TSC22D3: variants seen among roughly 807,000 people sequenced by gnomAD.
TSC22D3 encodes the protein TSC22 domain family member 3, also known as TSC22 domain family protein 3.
In TSC22D3, 4 loss-of-function variants were observed where a neutral mutation model predicts 11.1. The observed-to-expected ratio is 0.36, with a 90% CI of 0.18 to 0.83. The LOEUF is 0.83. TSC22D3 is among the 40% of genes least tolerant of loss of function. The pLI, the probability that TSC22D3 is intolerant of heterozygous loss-of-function variation, is 0.48. For synonymous variants in TSC22D3, 77 were observed against 70.3 expected (o/e 1.10, Z -0.48); for missense variants, 118 against 159.4 (o/e 0.74, Z 1.40).
intron 1 of TSC22D3, among the ~76,000 whole-genome samples, chrX:107,740,590 A>G (rs113567051): frequency 0.013 from 1,444 of 110,909 alleles, 31 homozygotes; most frequent in African/African-American, 0.045. Context: ...AAAAAAAAAA[A>G]AGAGAGAGAG....
In TSC22D3 at chrX:107,739,367, C is replaced by T. The variant is rs773730276; in HGVS notation, c.321-23417G>A. Among the ~76,000 whole-genome samples the T allele has an allele frequency of 1.1e-4, 12 of 112,830 alleles. No homozygotes were observed. The East Asian group carries it at 1.7e-3, about 16-fold the overall frequency. ...GCACTTCAATGCTGCAGGCTCCACA[C>T]GCACACACGCACACACAGGCGCGTG... On this transcript the variant is annotated intron_variant, in intron 1 of 2. Transcript: ENST00000372383.
intron 1 of TSC22D3, among the ~76,000 whole-genome samples, chrX:107,727,080 C>T (rs1927670761): frequency 9.0e-6 from 1 of 111,592 alleles, no homozygotes; most frequent in African/African-American, 3.3e-5. Context: ...ACCGGGGACT[C>T]AGCACGATTG....
intron 2 of TSC22D3, chrX:107,715,658 C>A (rs183924464): frequency 1.1e-5 from 5 of 441,361 alleles, no homozygotes; most frequent in Non-Finnish European, 2.0e-5. Flanking sequence ...TCAGAGCCTG[C>A]GGCAAAGACC....
At chrX:107,759,196 G>T (rs1351936576) in intron 1 of TSC22D3, among the ~76,000 whole-genome samples, 1 of 111,235 alleles carries the variant, frequency 9.0e-6, no homozygotes, top group Admixed American at 9.5e-5. Flanking sequence ...CGACCTCAAT[G>T]TTCTGTTCAG....
At chrX:107,732,272 G>A (rs975211440) in intron 1 of TSC22D3, among the ~76,000 whole-genome samples, 1 of 108,538 alleles carries the variant, frequency 9.2e-6, no homozygotes, top group African/African-American at 3.4e-5. Flanking sequence ...CAAGGACTCA[G>A]CACTGGGGCC....
intron 1 of TSC22D3, among the ~76,000 whole-genome samples, chrX:107,769,884 G>A (rs1280909187): frequency 4.5e-5 from 5 of 111,927 alleles, no homozygotes; most frequent in Non-Finnish European, 9.4e-5. Flanking sequence ...TTCTCATGAA[G>A]TATCCAAACC....
intron 1 of TSC22D3, among the ~76,000 whole-genome samples, chrX:107,728,227 A>G (rs950121592): frequency 1.8e-5 from 2 of 112,415 alleles, no homozygotes; most frequent in Admixed American, 1.9e-4. Flanking sequence ...CTATAGGCAC[A>G]TTCATGAATT....
At chrX:107,757,466 T>G (rs752180777) in intron 1 of TSC22D3, among the ~76,000 whole-genome samples, 29 of 112,137 alleles carry the variant, frequency 2.6e-4, no homozygotes, top group African/African-American at 7.4e-4. Flanking sequence ...AGGAGGAACT[T>G]AGCTTGAAAA....
intron 1 of TSC22D3, among the ~76,000 whole-genome samples, chrX:107,736,646 C>T (rs192106812): frequency 9.9e-5 from 11 of 111,282 alleles, no homozygotes; most frequent in African/African-American, 3.6e-4. Context: ...GTCACCAGCT[C>T]CTAGTTCAGA....
At chrX:107,726,238 G>A (rs1927617129) in intron 1 of TSC22D3, among the ~76,000 whole-genome samples, 1 of 112,291 alleles carries the variant, frequency 8.9e-6, no homozygotes, top group African/African-American at 3.2e-5. Flanking sequence ...TCTGTGGTAT[G>A]CATCCAGACT....
Position 107,721,806 on chromosome X carries a change from C to A in TSC22D3, c.321-5856G>T. The A allele has an allele frequency of 3.0e-5, 14 of 459,191 alleles. No individual in the cohort carries two copies. The South Asian group carries it at 4.9e-4, about 16-fold the overall frequency. The allele number at this position is 459,191 out of a possible 1,213,427, so 37.8% of individuals were successfully genotyped here. On this transcript the variant is annotated intron_variant, in intron 1 of 2. Transcript: ENST00000372383. ...TGAAAAACATCCCTCCCCACTTACT[C>A]CTCCACTACGGGCCCCCTCCATCTG...
chrX:107,750,601 T>C (rs928718299), intron 1 of TSC22D3, among the ~76,000 whole-genome samples: 2 of 109,616 alleles, frequency 1.8e-5, no homozygotes, highest in African/African-American at 6.7e-5. Context: ...AGCTGGGGAG[T>C]TGGGAGAGGG....
At chrX:107,768,519 C>A (rs767172870) in intron 1 of TSC22D3, among the ~76,000 whole-genome samples, 1 of 112,633 alleles carries the variant, frequency 8.9e-6, no homozygotes, top group Middle Eastern at 4.6e-3. Context: ...CTGGCAAAAA[C>A]TGAGGAGTAG....
At chrX:107,754,170 C>T (rs934606400) in intron 1 of TSC22D3, among the ~76,000 whole-genome samples, 13 of 111,060 alleles carry the variant, frequency 1.2e-4, no homozygotes, top group Admixed American at 1.9e-4. Context: ...CTTCCCACCT[C>T]GGCCTCTCAA....
At chrX:107,737,164 G>T (rs1928178440) in intron 1 of TSC22D3, among the ~76,000 whole-genome samples, 1 of 111,827 alleles carries the variant, frequency 8.9e-6, no homozygotes, top group African/African-American at 3.3e-5. Flanking sequence ...CCAGACCACG[G>T]CTCCCAGGGC....
rs188155439 is a variant in TSC22D3 at position 107,721,870 on chromosome X, T to C, written c.321-5920A>G. 12 of 518,684 alleles carry C rather than the reference T, an allele frequency of 2.3e-5. No individual in the cohort carries two copies. In the East Asian group the frequency reaches 3.3e-4, roughly 14 times the overall value. The allele number at this position is 518,684 out of a possible 1,213,427, so 42.7% of individuals were successfully genotyped here. A position where few individuals can be genotyped will look rare whatever the true frequency, so the allele number is the denominator to read the frequency against. ...TTCTAATTACTTACTTGTCCCTTTTTCTGAAGAGGCTGGAGGAATAAGGAG... is the reference window on the plus strand; with the variant it reads ...TTCTAATTACTTACTTGTCCCTTTTCCTGAAGAGGCTGGAGGAATAAGGAG... On this transcript the variant is annotated intron_variant, in intron 1 of 2. Transcript: ENST00000372383.
At chrX:107,774,582 T>C in intron 1 of TSC22D3, among the ~76,000 whole-genome samples, 1 of 111,234 alleles carries the variant, frequency 9.0e-6, no homozygotes, top group East Asian at 2.8e-4. Flanking sequence ...TTTTAAAAAT[T>C]TTCCCCTCCC....
At chrX:107,765,964 C>T (rs189395362) in intron 1 of TSC22D3, among the ~76,000 whole-genome samples, 1 of 111,967 alleles carries the variant, frequency 8.9e-6, no homozygotes, top group Non-Finnish European at 1.9e-5. Flanking sequence ...CTGGTAATTC[C>T]CACACCACCT....
chrX:107,746,724 A>G (rs1928681543), intron 1 of TSC22D3, among the ~76,000 whole-genome samples: 2 of 111,865 alleles, frequency 1.8e-5, no homozygotes, highest in African/African-American at 3.3e-5. Flanking sequence ...CCACCCACTC[A>G]AGTCCTGACA....
Sources: allele counts gnomAD v4.1 joint callset (sites outside exome capture counted in the v4.1 genomes callset), GRCh38; gene constraint gnomAD v4.1.1; transcripts MANE v1.5; gene names NCBI Gene and HGNC (gene_info 2026-07-23, HGNC 2026-07-21).